COL24A1: variants seen among roughly 807,000 people sequenced by gnomAD.
COL24A1 encodes the protein collagen alpha-1(XXIV) chain.
Under a neutral mutation model 253.9 loss-of-function variants are expected in COL24A1, and 224 were observed. That is an observed-to-expected ratio of 0.88 (90% confidence interval 0.79 to 0.99). COL24A1 has a LOEUF of 0.99. Among genes scored for constraint, COL24A1 ranks in the 50% least tolerant of loss-of-function variants. COL24A1 has a pLI of 0.00. For synonymous variants in COL24A1, 685 were observed against 673.7 expected (o/e 1.02, Z -0.26); for missense variants, 2,131 against 2,068.5 (o/e 1.03, Z -0.59).
At chr1:85,894,583 A>C (rs1683463180) in intron 31 of COL24A1, among the ~76,000 whole-genome samples, 1 of 152,284 alleles carries the variant, frequency 6.6e-6, no homozygotes, top group East Asian at 1.9e-4. Flanking sequence ...CTTGACCTCC[A>C]AACTTTTCCA....
At chr1:85,829,711 G>T (rs987102871) in intron 43 of COL24A1, among the ~76,000 whole-genome samples, 1 of 151,824 alleles carries the variant, frequency 6.6e-6, no homozygotes, top group Non-Finnish European at 1.5e-5. Flanking sequence ...CCAGTTGATC[G>T]CATGGCCTCC....
At chr1:85,732,537 G>A (rs1168518265) in intron 59 of COL24A1, among the ~76,000 whole-genome samples, 1 of 152,124 alleles carries the variant, frequency 6.6e-6, no homozygotes, top group African/African-American at 2.4e-5. Context: ...CCATGCCTGG[G>A]ATTGATTTCT....
At chr1:86,135,771 T>A (rs1425812709) in intron 2 of COL24A1, among the ~76,000 whole-genome samples, 1 of 151,992 alleles carries the variant, frequency 6.6e-6, no homozygotes. Flanking sequence ...AAGGGGGACA[T>A]ATTTGGTCAG....
In COL24A1 at chr1:85,838,635, G is replaced by A. The variant is rs1676275911; in HGVS notation, c.3631C>T (p.Pro1211Ser). The change falls in exon 43 of 60, where the codon CCA (proline) becomes TCA (serine). Residue 1211 changes from proline to serine, a missense_variant. Pro to Ser is a moderately conservative substitution (Grantham distance 74, BLOSUM62 -1). Transcript: ENST00000370571. Reference protein sequence around the residue: ...GPPGPRGEPGPVGDQGERGEP... With the variant: ...GPPGPRGEPGSVGDQGERGEP... The stretch of plus-strand genomic sequence containing the variant: ...CCTCTCTCTCCTTGGTCCCCCACTG[G>A]ACCCTACAGAGACCACACACAAAAC... The A allele has an allele frequency of 3.1e-6, 5 of 1,613,810 alleles. No homozygotes were observed. The highest frequency in any genetic ancestry group is 4.2e-6 in the Non-Finnish European group (5 of 1,179,786).
chr1:86,075,312 G>A (rs989939159), intron 7 of COL24A1, among the ~76,000 whole-genome samples: 2 of 151,978 alleles, frequency 1.3e-5, no homozygotes, highest in Admixed American at 6.6e-5. Flanking sequence ...TAAATTCCTG[G>A]ACACATACAC....
At chr1:85,768,350 T>A (rs1199638434) in intron 53 of COL24A1, among the ~76,000 whole-genome samples, 1 of 152,116 alleles carries the variant, frequency 6.6e-6, no homozygotes, top group African/African-American at 2.4e-5. Flanking sequence ...GAGAATGATA[T>A]AATTTGATTT....
intron 37 of COL24A1, among the ~76,000 whole-genome samples, chr1:85,864,377 A>C (rs959598126): frequency 5.8e-5 from 8 of 137,460 alleles, no homozygotes; most frequent in Non-Finnish European, 7.8e-5. Flanking sequence ...AGGAAGGGGA[A>C]CATCACACAC....
At chr1:85,927,528 C>A (rs1462713879) in intron 24 of COL24A1, among the ~76,000 whole-genome samples, 3 of 129,436 alleles carry the variant, frequency 2.3e-5, no homozygotes, top group African/African-American at 5.9e-5. Flanking sequence ...ATTGCCCAGG[C>A]TTGCTTAGGT....
At chr1:86,002,292 C>A (rs1695500294) in intron 19 of COL24A1, among the ~76,000 whole-genome samples, 1 of 152,172 alleles carries the variant, frequency 6.6e-6, no homozygotes, top group South Asian at 2.1e-4. Context: ...GCTGAATTCA[C>A]CAGGCGCACC....
At chr1:85,765,867 G>T (rs977113805) in intron 53 of COL24A1, among the ~76,000 whole-genome samples, 1 of 152,024 alleles carries the variant, frequency 6.6e-6, no homozygotes, top group Non-Finnish European at 1.5e-5. Context: ...TCCAGCAGTC[G>T]TCTTTGCATT....
intron 25 of COL24A1, among the ~76,000 whole-genome samples, chr1:85,910,455 A>C (rs1685254493): frequency 6.6e-6 from 1 of 151,946 alleles, no homozygotes; most frequent in African/African-American, 2.4e-5. Flanking sequence ...GCCATAAGAA[A>C]TAAGTCTGGA....
At chr1:85,792,969 T>C (rs1670446886) in intron 47 of COL24A1, among the ~76,000 whole-genome samples, 1 of 152,070 alleles carries the variant, frequency 6.6e-6, no homozygotes, top group African/African-American at 2.4e-5. Flanking sequence ...GGGAGAGATG[T>C]TTTGGCTCAA....
Position 86,063,762 on chromosome 1 carries a change from G to A in COL24A1, c.1708-3C>T. On this transcript the variant is annotated splice_region_variant and splice_polypyrimidine_tract_variant and intron_variant, in intron 7 of 59. Transcript: ENST00000370571. The stretch of plus-strand genomic sequence containing the variant: ...AGTCCAGGATGTCCTTTGAGACCCT[G>A]TAAAAGAATAAGTGGAGACATGCTA... The A allele has an allele frequency of 6.5e-7, 1 of 1,533,668 alleles. No homozygotes were observed. The highest frequency in any genetic ancestry group is 1.3e-5 in the South Asian group (1 of 75,872).
At chr1:85,792,490 A>T (rs1670376176) in intron 47 of COL24A1, among the ~76,000 whole-genome samples, 1 of 148,574 alleles carries the variant, frequency 6.7e-6, no homozygotes, top group East Asian at 2.0e-4. Flanking sequence ...GGAGTTTGAG[A>T]CCAGTCTGGG....
chr1:85,971,386 A>G lies in COL24A1; in HGVS notation c.2372T>C (p.Leu791Pro). ...QNGPEGPKGL[L>P]GNRGPPGPPG... is the part of the protein sequence containing the mutation. ...AGGTCCAGGAGGTCCTCTATTTCCA[A>G]GGAGTCCCTATAAAAGCAATATAAA... Residue 791 changes from leucine to proline, a missense_variant, in exon 21 of 60, where the codon CTT (leucine) becomes CCT (proline). By Grantham distance (98) the Leu-to-Pro change is moderately conservative. Coordinates refer to ENST00000370571, the MANE Select transcript of COL24A1 (RefSeq NM_152890.7). The G allele has an allele frequency of 6.2e-7, 1 of 1,611,058 alleles. No homozygotes were observed.
chr1:86,047,675 C>T (rs1464899729), intron 11 of COL24A1, among the ~76,000 whole-genome samples: 1 of 151,598 alleles, frequency 6.6e-6, no homozygotes, highest in Non-Finnish European at 1.5e-5. Flanking sequence ...GAAGTTAATT[C>T]ATGTATGTAA....
chr1:85,828,520 G>A (rs943220368), intron 43 of COL24A1, among the ~76,000 whole-genome samples: 4 of 151,392 alleles, frequency 2.6e-5, no homozygotes, highest in Non-Finnish European at 2.9e-5. Flanking sequence ...GTTGACAGTG[G>A]GGTGTTAAAG....
At chr1:85,907,701 T>C (rs1285912147) in intron 27 of COL24A1, among the ~76,000 whole-genome samples, 1 of 151,842 alleles carries the variant, frequency 6.6e-6, no homozygotes, top group Non-Finnish European at 1.5e-5. Context: ...TGCCACAAAA[T>C]GTTCCAAATT....
intron 7 of COL24A1, among the ~76,000 whole-genome samples, chr1:86,080,606 A>G (rs1702568047): frequency 6.6e-6 from 1 of 152,114 alleles, no homozygotes; most frequent in Admixed American, 6.5e-5. Flanking sequence ...AAATTGCCTC[A>G]GCAAGAATTC....
Sources: allele counts gnomAD v4.1 joint callset (sites outside exome capture counted in the v4.1 genomes callset), GRCh38; gene constraint gnomAD v4.1.1; transcripts MANE v1.5; gene names NCBI Gene and HGNC (gene_info 2026-07-23, HGNC 2026-07-21).